Variants in NEIL3 observed in about 807,000 individuals in gnomAD.
NEIL3 encodes endonuclease 8-like 3.
Under a neutral mutation model 57.5 loss-of-function variants are expected in NEIL3, and 48 were observed. The ratio of observed to expected loss-of-function variants is 0.83; its 90% CI spans 0.66 to 1.06. NEIL3 has a LOEUF of 1.06. Among genes scored for constraint, NEIL3 ranks in the 50% least tolerant of loss-of-function variants. The probability of loss-of-function intolerance (pLI) is 0.00; values close to 1 mark genes in which losing one functional copy is unlikely to be tolerated. For synonymous variants in NEIL3, 261 were observed against 253.2 expected (o/e 1.03, Z -0.29); for missense variants, 717 against 739.1 (o/e 0.97, Z 0.35).
At chr4:177,355,356 A>T (rs1278115220) in intron 8 of NEIL3, among the ~76,000 whole-genome samples, 1 of 152,144 alleles carries the variant, frequency 6.6e-6, no homozygotes, top group African/African-American at 2.4e-5. Flanking sequence ...CAAGTCCCTG[A>T]TATGAAATGG....
chr4:177,335,927 G>T, intron 3 of NEIL3, 105 bp downstream of exon 3: 1 of 1,185,198 alleles, frequency 8.4e-7, no homozygotes, highest in South Asian at 1.7e-5. Context: ...GTTTGTAATT[G>T]ATGAAACCTC....
At chr4:177,313,480 T>G (rs1457341532) in intron 1 of NEIL3, among the ~76,000 whole-genome samples, 3 of 152,210 alleles carry the variant, frequency 2.0e-5, no homozygotes, top group East Asian at 1.9e-4. Context: ...TGCAACAGTA[T>G]AAGCAAATTG....
Position 177,362,554 on chromosome 4 carries a change from A to T in NEIL3, c.*83A>T. ...CTCTGTTTCATAGAAAAGTCATAGA[A>T]TATCTATGATACATTGAAAAGTTAC... On this transcript the variant is annotated 3_prime_UTR_variant, in exon 10 of 10. Transcript: ENST00000264596. 1 of 1,011,578 alleles carries T rather than the reference A, an allele frequency of 9.9e-7. No homozygotes were observed. The highest frequency in any genetic ancestry group is 1.6e-5 in the African/African-American group (1 of 60,746). The allele number at this position is 1,011,578 out of a possible 1,614,324, so 62.7% of individuals were successfully genotyped here.
chr4:177,345,679 CTTTTTTTTTTTTTT>C (rs55741585), intron 6 of NEIL3, among the ~76,000 whole-genome samples: 3 of 78,070 alleles, frequency 3.8e-5, no homozygotes, highest in Admixed American at 1.5e-4. Context: ...CCACGCCTGG[CTTTTTTTTTTTTTT>C]TTTTTTTTTT....
chr4:177,364,525 CAGAA>C (rs1299370674), downstream of NEIL3, among the ~76,000 whole-genome samples: 2 of 152,308 alleles, frequency 1.3e-5, no homozygotes, highest in East Asian at 3.9e-4. Context: ...GGGGAAATCT[CAGAA>C]AGGACATGGA....
At chr4:177,342,550 AT>A (rs1313225719) in intron 6 of NEIL3, among the ~76,000 whole-genome samples, 2 of 152,194 alleles carry the variant, frequency 1.3e-5, no homozygotes, top group African/African-American at 4.8e-5. Flanking sequence ...GGGTTCAGGG[AT>A]ATTAGAGGTT....
At chr4:177,323,443 T>C (rs1734725690) in intron 2 of NEIL3, among the ~76,000 whole-genome samples, 1 of 152,196 alleles carries the variant, frequency 6.6e-6, no homozygotes, top group African/African-American at 2.4e-5. Context: ...ACTATATGAT[T>C]GTTCTTTATT....
intron 2 of NEIL3, among the ~76,000 whole-genome samples, chr4:177,331,067 A>ACT: frequency 6.6e-6 from 1 of 152,196 alleles, no homozygotes; most frequent in Non-Finnish European, 1.5e-5. Flanking sequence ...AACTAAAATA[A>ACT]ATGGACAGAT....
chr4:177,336,045 A>G, intron 3 of NEIL3, 63 bp from the exon 4 acceptor site: 1 of 1,392,432 alleles, frequency 7.2e-7, no homozygotes, highest in Admixed American at 1.8e-5. Context: ...GCTCATTTTA[A>G]AAGACACTTT....
At chr4:177,359,462 C>T (rs1047694642) in intron 8 of NEIL3, among the ~76,000 whole-genome samples, 5 of 151,838 alleles carry the variant, frequency 3.3e-5, no homozygotes, top group Admixed American at 2.0e-4. Context: ...ATTGAGGCAT[C>T]ATAGAAACAA....
intron 1 of NEIL3, among the ~76,000 whole-genome samples, chr4:177,316,249 G>T (rs953305840): frequency 4.6e-5 from 7 of 152,166 alleles, no homozygotes; most frequent in Non-Finnish European, 7.4e-5. Flanking sequence ...GAGAACTACT[G>T]TATTGGATTA....
rs528987073 is a variant in NEIL3 at position 177,339,877 on chromosome 4, A to C, written c.702+20A>C. ...TACAGGGTAAGAGCAAAATTTTTCA[A>C]CTGTGTAAAATGTAAAATGTCAGTG... On this transcript the variant is annotated intron_variant, in intron 5 of 9. Transcript: ENST00000264596. The C allele has an allele frequency of 1.9e-6, 3 of 1,551,064 alleles. No individual in the cohort carries two copies.
At chr4:177,332,724 T>C (rs1215981591) in intron 2 of NEIL3, among the ~76,000 whole-genome samples, 2 of 152,178 alleles carry the variant, frequency 1.3e-5, no homozygotes, top group African/African-American at 4.8e-5. Flanking sequence ...CCAGCCCACA[T>C]TCAGTATGTA....
chr4:177,330,732 A>G (rs1734869551), intron 2 of NEIL3, among the ~76,000 whole-genome samples: 2 of 152,250 alleles, frequency 1.3e-5, no homozygotes. Flanking sequence ...ATCAATTTTA[A>G]TAATGTATTT....
Position 177,362,563 on chromosome 4 carries a change from A to ACT in NEIL3, c.*92_*93insCT. On this transcript the variant is annotated 3_prime_UTR_variant, in exon 10 of 10. Transcript: ENST00000264596. ...ATAGAAAAGTCATAGAATATCTATG[A>ACT]TACATTGAAAAGTTACTGCAATATT... 5 of 974,538 alleles carry ACT rather than the reference A, an allele frequency of 5.1e-6. No homozygotes were observed. The highest frequency in any genetic ancestry group is 7.4e-6 in the Non-Finnish European group (5 of 675,670). The allele number at this position is 974,538 out of a possible 1,614,324, so 60.4% of individuals were successfully genotyped here. A position where few individuals can be genotyped will look rare whatever the true frequency, so the allele number is the denominator to read the frequency against.
chr4:177,322,592 C>G lies in NEIL3; in HGVS notation c.278+12C>G. The G allele has an allele frequency of 6.2e-7, 1 of 1,613,634 alleles. No individual in the cohort carries two copies. The highest frequency in any genetic ancestry group is 8.5e-7 in the Non-Finnish European group (1 of 1,179,636). On this transcript the variant is annotated intron_variant, in intron 2 of 9. Transcript: ENST00000264596. ...CCAAAAGCTTTACGGTAAGATAAGC[C>G]TGTACGATACATCTTATCTCTCTAT...
At chr4:177,330,383 T>C (rs190722808) in intron 2 of NEIL3, among the ~76,000 whole-genome samples, 1,804 of 152,304 alleles carry the variant, frequency 0.012, 33 homozygotes, top group African/African-American at 0.04. Context: ...TAAATGTTTT[T>C]TATAAATGAA....
At position 177,340,797 on chromosome 4, in the gene NEIL3, A is replaced by G. The variant is rs539754802; in HGVS notation, c.703-679A>G. On this transcript the variant is annotated intron_variant, in intron 5 of 9. Transcript: ENST00000264596. ...TTCACAGTGCTGATGGAAACTCAAG[A>G]TATTTTCTTTGTAGGAGCCTTAAAT... is the stretch of plus-strand genomic sequence containing the variant. Among the ~76,000 whole-genome samples the G allele has an allele frequency of 5.9e-5, 9 of 152,274 alleles. No homozygotes were observed. In the East Asian group the frequency reaches 1.2e-3, roughly 20 times the overall value.
intron 2 of NEIL3, among the ~76,000 whole-genome samples, chr4:177,332,335 AC>A (rs1441657464): frequency 6.9e-6 from 1 of 145,258 alleles, no homozygotes; most frequent in Non-Finnish European, 1.6e-5. Flanking sequence ...CTTCTACCTC[AC>A]CTTCAACAGG....
Sources: gnomAD v4.1 joint callset for allele counts (sites outside exome capture counted in the v4.1 genomes callset) on GRCh38, gnomAD v4.1.1 for gene constraint, MANE v1.5 for transcripts, NCBI Gene and HGNC (gene_info 2026-07-23, HGNC 2026-07-21) for gene names.